Variants in SSH1 observed in about 807,000 individuals in gnomAD.
SSH1 encodes slingshot protein phosphatase 1.
SSH1 carries 43 observed loss-of-function variants against 79.7 expected under a neutral mutation model. The ratio of observed to expected loss-of-function variants is 0.54; its 90% confidence interval spans 0.42 to 0.70. The LOEUF is 0.70. SSH1 is among the 30% of genes least tolerant of loss of function. The pLI, the probability that SSH1 is intolerant of heterozygous loss-of-function variation, is 0.00. For missense variants in SSH1, 1,206 were observed against 1,358.8 expected (o/e 0.89, Z 1.77); for synonymous variants, 599 against 538.3 (o/e 1.11, Z -1.56).
intron 13 of SSH1, 25 bp from the exon 14 acceptor site, chr12:108,792,854 G>T: frequency 6.2e-7 from 1 of 1,612,430 alleles, no homozygotes; most frequent in South Asian, 1.1e-5. Flanking sequence ...GGTAGAGGAA[G>T]GTGAGGGGAG....
intron 3 of SSH1, among the ~76,000 whole-genome samples, chr12:108,821,051 A>G (rs916012032): frequency 2.0e-5 from 3 of 152,266 alleles, no homozygotes; most frequent in African/African-American, 7.2e-5. Context: ...CAACAGCTAC[A>G]TTTCTAAGAG....
At chr12:108,846,584 G>C (rs1343993283) in intron 2 of SSH1, among the ~76,000 whole-genome samples, 1 of 152,246 alleles carries the variant, frequency 6.6e-6, no homozygotes, top group Non-Finnish European at 1.5e-5. Flanking sequence ...GCAATCATCT[G>C]CATGCTGGGT....
rs1313965418 is a variant in SSH1, at chr12:108,787,078, A to G, written c.*910T>C. The G allele has an allele frequency of 6.6e-6, 1 of 152,272 alleles. No individual in the cohort carries two copies. Among genetic ancestry groups the G allele is most frequent in the Non-Finnish European group, 1.5e-5 (1 of 68,060 alleles). 9.4% of individuals were successfully genotyped at this position (152,272 alleles called of 1,614,324 possible). A position where few individuals can be genotyped will look rare whatever the true frequency, so the allele number is the denominator to read the frequency against. On this transcript the variant is annotated 3_prime_UTR_variant, in exon 15 of 15. Coordinates refer to ENST00000326495, the MANE Select transcript of SSH1 (RefSeq NM_018984.4). Reference sequence around the variant, plus strand: ...TAGATGGGCCCTAGTGGACCTAAGCATCTGGGCTCTCAGCAGGACGATGTG... The same window carrying G: ...TAGATGGGCCCTAGTGGACCTAAGCGTCTGGGCTCTCAGCAGGACGATGTG...
chr12:108,810,186 T>C (rs2037508292), intron 6 of SSH1, among the ~76,000 whole-genome samples: 1 of 151,154 alleles, frequency 6.6e-6, no homozygotes, highest in African/African-American at 2.4e-5. Flanking sequence ...ATTAATACAT[T>C]AATATAAATA....
At chr12:108,836,895 ACT>A (rs2038645215) in intron 2 of SSH1, 1 of 533,516 alleles carries the variant, frequency 1.9e-6, no homozygotes, top group African/African-American at 1.9e-5. Context: ...ACACACTCAC[ACT>A]GAGGGACACT....
chr12:108,814,765 G>A (rs1459576667), intron 5 of SSH1, among the ~76,000 whole-genome samples: 1 of 152,240 alleles, frequency 6.6e-6, no homozygotes, highest in East Asian at 1.9e-4. Context: ...GCATGCAGGA[G>A]AGGCGAGGGA....
chr12:108,817,361 G>A, intron 4 of SSH1: 1 of 617,330 alleles, frequency 1.6e-6, no homozygotes, highest in Non-Finnish European at 2.8e-6. Context: ...ATCACTTGAG[G>A]TCAGGAGTTC....
chr12:108,823,159 C>A lies in SSH1; in HGVS notation c.214+99G>T, dbSNP rs2137188972. ...CACTGCAAACCTGCGTCCACTATGT[C>A]TAAGGCCTTCAAACTCAGCAACATC... On this transcript the variant is annotated intron_variant, in intron 3 of 14. Transcript: ENST00000326495. 6.7e-6 allele frequency: 8 copies of A among 1,187,920 alleles called. No individual in the cohort carries two copies. In the South Asian group the frequency reaches 1.0e-4, roughly 16 times the overall value. The allele number at this position is 1,187,920 out of a possible 1,614,324, so 73.6% of individuals were successfully genotyped here. A position where few individuals can be genotyped will look rare whatever the true frequency, so the allele number is the denominator to read the frequency against.
chr12:108,856,247 C>T (rs1380729923), intron 1 of SSH1, among the ~76,000 whole-genome samples: 1 of 152,224 alleles, frequency 6.6e-6, no homozygotes. Flanking sequence ...CAAGATTGCG[C>T]GACCAGAGGG....
At chr12:108,845,163 C>T (rs373603247) in intron 2 of SSH1, among the ~76,000 whole-genome samples, 19 of 146,378 alleles carry the variant, frequency 1.3e-4, no homozygotes, top group African/African-American at 4.6e-4. Context: ...GAGCCGAGAT[C>T]GCACCACTGC....
At chr12:108,845,346 G>T (rs2038875448) in intron 2 of SSH1, among the ~76,000 whole-genome samples, 1 of 152,154 alleles carries the variant, frequency 6.6e-6, no homozygotes, top group African/African-American at 2.4e-5. Context: ...GCTATACCGT[G>T]TCCAGATTCC....
rs1212958253 is a variant in SSH1 at position 108,793,334 on chromosome 12, TGTTTAG to T, written c.1350-511_1350-506del. 1.2e-4 allele frequency among the ~76,000 whole-genome samples: 19 copies of T among 152,228 alleles called. 3 individuals are homozygous for T. The South Asian group carries it at 3.3e-3, about 27-fold the overall frequency. On this transcript the variant is annotated intron_variant, in intron 13 of 14. Transcript: ENST00000326495. The stretch of plus-strand genomic sequence containing the variant: ...AGATCCTGGAAAACTAGAAAGTATT[TGTTTAG>T]GTTTAGGTCAGTTTTTAAACAATTT...
At chr12:108,800,307 G>A (rs559827789) in intron 12 of SSH1, among the ~76,000 whole-genome samples, 2 of 152,168 alleles carry the variant, frequency 1.3e-5, no homozygotes, top group Non-Finnish European at 1.5e-5. Flanking sequence ...TGTTTCATGC[G>A]ACAGTAACTC....
chr12:108,789,641 A>G (rs1464899120), intron 14 of SSH1, among the ~76,000 whole-genome samples: 1 of 152,092 alleles, frequency 6.6e-6, no homozygotes, highest in African/African-American at 2.4e-5. Flanking sequence ...GGAGAGAGGG[A>G]CAAGTTCTAA....
At chr12:108,793,977 CTCAGGGAGAGG>C (rs2036629402) in intron 13 of SSH1, among the ~76,000 whole-genome samples, 1 of 152,236 alleles carries the variant, frequency 6.6e-6, no homozygotes, top group African/African-American at 2.4e-5. Flanking sequence ...GCGTGGCAGG[CTCAGGGAGAGG>C]TCAGTGAGAT....
At chr12:108,804,931 G>A in intron 10 of SSH1, 125 bp downstream of exon 10, 1 of 1,182,932 alleles carries the variant, frequency 8.5e-7, no homozygotes, top group Non-Finnish European at 1.2e-6. Context: ...TGCCAGCCAG[G>A]ATGGAGGCTC....
Position 108,788,357 on chromosome 12 carries a change from G to C in SSH1, c.2781C>G (p.Ser927=). The stretch of plus-strand genomic sequence containing the variant: ...AGCTCCGGGTCAGGTTGGAGCTCAT[G>C]GAAGAGGAGGTGGGGGTGTAGCAGA... ...KTICYTPTSS[S]MSSNLTRSSS... is the part of the protein sequence containing the mutation. Residue 927 remains serine (S), a synonymous_variant, in exon 15 of 15, where the codon TCC becomes TCG. Transcript: ENST00000326495. 1 of 1,613,208 alleles carries C rather than the reference G, an allele frequency of 6.2e-7. No homozygotes were observed. Among genetic ancestry groups the C allele is most frequent in the Non-Finnish European group, 8.5e-7 (1 of 1,179,960 alleles).
chr12:108,788,615 A>T lies in SSH1; in HGVS notation c.2523T>A (p.Pro841=), dbSNP rs560357489. 1 of 1,609,722 alleles carries T rather than the reference A, an allele frequency of 6.2e-7. No individual in the cohort carries two copies. The highest frequency in any genetic ancestry group is 8.5e-7 in the Non-Finnish European group (1 of 1,176,688). ...RLKSVPADPA[P]PSRDGPASRL... ...TGCTGGCAGGGCCATCCCTGGAGGG[A>T]GGTGCTGGGTCTGCAGGCACGCTCT... Residue 841 remains proline, a synonymous_variant, in exon 15 of 15, where the codon CCT becomes CCA. Transcript: ENST00000326495.
intron 2 of SSH1, among the ~76,000 whole-genome samples, chr12:108,841,340 T>C (rs917328238): frequency 6.6e-6 from 1 of 152,260 alleles, no homozygotes; most frequent in African/African-American, 2.4e-5. Flanking sequence ...CCCTGAGGCG[T>C]TCTTTTGAAG....
Sources: allele counts gnomAD v4.1 joint callset (sites outside exome capture counted in the v4.1 genomes callset), GRCh38; gene constraint gnomAD v4.1.1; transcripts MANE v1.5; gene names NCBI Gene and HGNC (gene_info 2026-07-23, HGNC 2026-07-21).